The following MMAA variants were observed in gnomAD, a reference collection of about 807,000 sequenced individuals.
MMAA encodes the protein metabolism of cobalamin associated A.
A neutral mutation model predicts 45.0 loss-of-function variants in MMAA; 41 were observed. The observed-to-expected ratio is 0.91, with a 90% confidence interval of 0.71 to 1.18. The LOEUF (loss-of-function observed/expected upper bound fraction) is 1.18. MMAA is among the 50% of genes most tolerant of loss of function. The pLI, the probability that MMAA is intolerant of heterozygous loss-of-function variation, is 0.00. For missense variants in MMAA, 460 were observed against 495.7 expected (o/e 0.93, Z 0.68); for synonymous variants, 154 against 178.2 (o/e 0.86, Z 1.08).
intron 1 of MMAA, among the ~76,000 whole-genome samples, chr4:145,630,659 C>A (rs1028591609): frequency 9.9e-5 from 15 of 152,014 alleles, no homozygotes; most frequent in African/African-American, 3.4e-4. Flanking sequence ...ACCCAGGAGG[C>A]GGAGGTTGTG....
chr4:145,655,296 A>G lies in MMAA; in HGVS notation c.1119A>G (p.Glu373=). The change falls in exon 7 of 7, where the codon GAA becomes GAG. Residue 373 remains glutamate, a synonymous_variant. Coordinates refer to ENST00000649156, the MANE Select transcript of MMAA (RefSeq NM_172250.3). ...QKVWMWNLIQ[E]SVLEHFRTHP... ...TTTGGATGTGGAATCTCATTCAGGA[A>G]AGTGTGTTAGAGCATTTCAGGACCC... is the stretch of plus-strand genomic sequence containing the variant. The G allele has an allele frequency of 6.2e-7, 1 of 1,614,200 alleles. No homozygotes were observed. Among genetic ancestry groups the G allele is most frequent in the South Asian group, 1.1e-5 (1 of 91,084 alleles).
chr4:145,624,253 T>C (rs1425407990), intron 1 of MMAA: 13 of 802,182 alleles, frequency 1.6e-5, no homozygotes, highest in Admixed American at 6.8e-5. Context: ...GAGGCCATAA[T>C]GGTCTGGGGG....
intron 1 of MMAA, among the ~76,000 whole-genome samples, chr4:145,620,929 G>A (rs1427400325): frequency 2.0e-5 from 3 of 152,166 alleles, no homozygotes; most frequent in Non-Finnish European, 4.4e-5. Context: ...TGCTGGCCTG[G>A]GGACTACACT....
At chr4:145,653,459 A>C (rs1057335753) in intron 5 of MMAA, among the ~76,000 whole-genome samples, 1 of 152,190 alleles carries the variant, frequency 6.6e-6, no homozygotes, top group Non-Finnish European at 1.5e-5. Context: ...AATAAGAAAA[A>C]TACAAAGTAT....
At chr4:145,646,415 T>C in intron 4 of MMAA, 1 of 437,378 alleles carries the variant, frequency 2.3e-6, no homozygotes, top group Non-Finnish European at 4.2e-6. Context: ...AGAGGAGAAC[T>C]GTAAACATTA....
chr4:145,655,791 G>A lies in MMAA; in HGVS notation c.*357G>A, dbSNP rs1209009386. 1 of 173,340 alleles carries A rather than the reference G, an allele frequency of 5.8e-6. No individual in the cohort carries two copies. The highest frequency in any genetic ancestry group is 1.2e-5 in the Non-Finnish European group (1 of 81,720). 10.7% of individuals were successfully genotyped at this position (173,340 alleles called of 1,614,324 possible). A position where few individuals can be genotyped will look rare whatever the true frequency, so the allele number is the denominator to read the frequency against. ...ATTCCATATTATCTGAATTTCCAGAGAGGATGTAAACAAGAGTGACCATAT... is the reference window on the plus strand; with the variant it reads ...ATTCCATATTATCTGAATTTCCAGAAAGGATGTAAACAAGAGTGACCATAT... On this transcript the variant is annotated 3_prime_UTR_variant, in exon 7 of 7. Coordinates refer to ENST00000649156, the MANE Select transcript of MMAA (RefSeq NM_172250.3).
chr4:145,629,996 G>A (rs978404616), intron 1 of MMAA, among the ~76,000 whole-genome samples: 2 of 152,080 alleles, frequency 1.3e-5, no homozygotes, highest in Non-Finnish European at 2.9e-5. Context: ...TTTGGTTTGG[G>A]TATCAGAGTA....
intron 1 of MMAA, chr4:145,625,157 A>G (rs573479503): frequency 7.9e-5 from 110 of 1,394,838 alleles, no homozygotes; most frequent in Middle Eastern, 1.8e-4. Flanking sequence ...TAGATCTTCA[A>G]CCTTTTCCAT....
chr4:145,622,804 C>G (rs2126605826), intron 1 of MMAA, among the ~76,000 whole-genome samples: 1 of 152,174 alleles, frequency 6.6e-6, no homozygotes, highest in East Asian at 1.9e-4. Flanking sequence ...TTGCCCACCA[C>G]CTTTATTATA....
chr4:145,630,645 T>C (rs1734318093), intron 1 of MMAA, among the ~76,000 whole-genome samples: 1 of 152,182 alleles, frequency 6.6e-6, no homozygotes, highest in African/African-American at 2.4e-5. Context: ...GGAGAATCGC[T>C]TGAACCCAGG....
rs1578888956 is a variant in MMAA, at chr4:145,655,412, A to C, written c.1235A>C (p.Lys412Thr). Residue 412 changes from lysine to threonine, a missense_variant, in exon 7 of 7, where the codon AAA becomes ACA. Coordinates refer to ENST00000649156, the MANE Select transcript of MMAA (RefSeq NM_172250.3). ...SPGLAADFLL[K>T]AFKSRD The stretch of plus-strand genomic sequence containing the variant: ...GGACTAGCAGCAGACTTCTTGTTAA[A>C]AGCTTTTAAAAGCAGAGACTAATAA... 3 of 1,611,622 alleles carry C rather than the reference A, an allele frequency of 1.9e-6. No individual in the cohort carries two copies. The East Asian group carries it at 6.7e-5, about 36-fold the overall frequency.
At chr4:145,627,509 T>C (rs1376992427) in intron 1 of MMAA, among the ~76,000 whole-genome samples, 1 of 152,160 alleles carries the variant, frequency 6.6e-6, no homozygotes, top group Non-Finnish European at 1.5e-5. Flanking sequence ...ACTGTGATAG[T>C]TTCTGAGGAA....
chr4:145,632,811 G>A (rs1205154605), intron 1 of MMAA, among the ~76,000 whole-genome samples: 23 of 151,166 alleles, frequency 1.5e-4, no homozygotes, highest in Admixed American at 1.5e-3. Flanking sequence ...AGGCTGGAGT[G>A]TAGTGGTGTG....
At chr4:145,630,151 C>A (rs1053667623) in intron 1 of MMAA, among the ~76,000 whole-genome samples, 1 of 152,132 alleles carries the variant, frequency 6.6e-6, no homozygotes, top group Non-Finnish European at 1.5e-5. Flanking sequence ...CTCTATTAGA[C>A]TTTTTATTAC....
chr4:145,626,214 A>T (rs1418817302), intron 1 of MMAA, among the ~76,000 whole-genome samples: 1 of 152,186 alleles, frequency 6.6e-6, no homozygotes, highest in African/African-American at 2.4e-5. Context: ...AGCAGGTAGG[A>T]AATAATCCTT....
At chr4:145,644,536 T>C (rs999579126) in intron 3 of MMAA, among the ~76,000 whole-genome samples, 1 of 152,246 alleles carries the variant, frequency 6.6e-6, no homozygotes, top group Non-Finnish European at 1.5e-5. Flanking sequence ...CACCTACAAA[T>C]GTTGGTATAT....
chr4:145,635,627 G>GGTA (rs1445814746), intron 1 of MMAA, among the ~76,000 whole-genome samples: 1 of 152,164 alleles, frequency 6.6e-6, no homozygotes, highest in Non-Finnish European at 1.5e-5. Flanking sequence ...GGTAATAGGA[G>GGTA]GTAGTCATGG....
chr4:145,640,665 T>C (rs1727756590), intron 2 of MMAA, among the ~76,000 whole-genome samples: 2 of 152,248 alleles, frequency 1.3e-5, no homozygotes, highest in African/African-American at 4.8e-5. Context: ...TATCAAAATG[T>C]ACTTTAAGAA....
chr4:145,645,928 G>A, intron 3 of MMAA, 58 bp from the exon 4 acceptor site: 3 of 1,560,836 alleles, frequency 1.9e-6, no homozygotes, highest in African/African-American at 1.3e-5. Flanking sequence ...CTAGGAACTG[G>A]CTGATAATTG....
Sources: allele counts gnomAD v4.1 joint callset (sites outside exome capture counted in the v4.1 genomes callset), GRCh38; gene constraint gnomAD v4.1.1; transcripts MANE v1.5; gene names NCBI Gene and HGNC (gene_info 2026-07-23, HGNC 2026-07-21).